Variants in RAP1GAP2 observed in about 807,000 individuals in gnomAD.
RAP1GAP2 encodes RAP1 GTPase activating protein 2, also known as rap1 GTPase-activating protein 2.
RAP1GAP2 carries 27 observed loss-of-function variants against 95.0 expected under a neutral mutation model. The ratio of observed to expected loss-of-function variants is 0.28; its 90% CI spans 0.21 to 0.39. RAP1GAP2 has a LOEUF of 0.39. RAP1GAP2 is among the 10% of genes least tolerant of loss of function. The probability of loss-of-function intolerance (pLI) is 1.00; values close to 1 mark genes in which losing one functional copy is unlikely to be tolerated. For missense variants in RAP1GAP2, 771 were observed against 970.0 expected, an observed-to-expected ratio of 0.79 and a Z score of 2.72; for synonymous variants, 373 against 380.9, an observed-to-expected ratio of 0.98 and a Z score of 0.24.
intron 1 of RAP1GAP2, among the ~76,000 whole-genome samples, chr17:2,781,596 CTGTG>C (rs1295609518): frequency 5.4e-5 from 8 of 146,856 alleles, no homozygotes; most frequent in African/African-American, 2.0e-4. Flanking sequence ...GGGCACGTCT[CTGTG>C]TGTGCAGGTC....
chr17:2,979,215 C>A (rs1265313746), intron 8 of RAP1GAP2, among the ~76,000 whole-genome samples: 5 of 152,088 alleles, frequency 3.3e-5, no homozygotes, highest in Non-Finnish European at 2.9e-5. Context: ...TAAATTTAGA[C>A]CCTCATGGTG....
At chr17:2,889,889 ATT>A (rs3039128) in intron 2 of RAP1GAP2, among the ~76,000 whole-genome samples, 57 of 57,304 alleles carry the variant, frequency 9.9e-4, no homozygotes, top group Admixed American at 4.2e-3. Context: ...ATATATATAT[ATT>A]TTTTTTTTTT....
chr17:2,955,621 T>C (rs2044079579), intron 3 of RAP1GAP2, among the ~76,000 whole-genome samples: 1 of 152,254 alleles, frequency 6.6e-6, no homozygotes, highest in Admixed American at 6.5e-5. Flanking sequence ...AACTTTTCTT[T>C]AAACGTTTGG....
chr17:2,810,853 G>C (rs1181834503), intron 2 of RAP1GAP2, among the ~76,000 whole-genome samples: 7 of 151,818 alleles, frequency 4.6e-5, no homozygotes. Context: ...TAGTCTTTAT[G>C]CAAATCTCCT....
chr17:2,814,763 C>G (rs565322805), intron 2 of RAP1GAP2, among the ~76,000 whole-genome samples: 99 of 152,250 alleles, frequency 6.5e-4, no homozygotes, highest in African/African-American at 2.2e-3. Flanking sequence ...CCAGCTCATT[C>G]TGAGAGGGTG....
At chr17:2,818,568 T>C (rs2070143169) in intron 2 of RAP1GAP2, among the ~76,000 whole-genome samples, 1 of 152,170 alleles carries the variant, frequency 6.6e-6, no homozygotes, top group African/African-American at 2.4e-5. Flanking sequence ...CCTCAAGTGA[T>C]CCACCTGCCT....
chr17:2,847,693 G>T (rs894293555), intron 2 of RAP1GAP2, among the ~76,000 whole-genome samples: 3 of 63,892 alleles, frequency 4.7e-5, no homozygotes. Flanking sequence ...TCTGGAAGAG[G>T]TGGAAGTGGC....
chr17:2,762,350 G>C (rs1312360745), intron 1 of RAP1GAP2, among the ~76,000 whole-genome samples: 1 of 146,458 alleles, frequency 6.8e-6, no homozygotes, highest in East Asian at 2.0e-4. Context: ...TTTAAATTGT[G>C]TTAGTTGTCT....
At chr17:2,776,593 C>G (rs1003640511), upstream of RAP1GAP2, among the ~76,000 whole-genome samples, 1 of 151,906 alleles carries the variant, frequency 6.6e-6, no homozygotes, top group African/African-American at 2.4e-5. Context: ...CCGCAGGCAG[C>G]GGCACAGGGA....
intron 2 of RAP1GAP2, among the ~76,000 whole-genome samples, chr17:2,896,908 G>C (rs1335678126): frequency 6.6e-6 from 1 of 152,344 alleles, no homozygotes; most frequent in African/African-American, 2.4e-5. Context: ...GTAGCCTGCA[G>C]CAGAGACTCC....
chr17:2,912,705 G>T (rs1309243388), intron 3 of RAP1GAP2, among the ~76,000 whole-genome samples: 1 of 152,166 alleles, frequency 6.6e-6, no homozygotes, highest in Non-Finnish European at 1.5e-5. Context: ...CATCGATTGT[G>T]TTTCTGTTGC....
intron 2 of RAP1GAP2, among the ~76,000 whole-genome samples, chr17:2,894,510 C>T (rs1241370409): frequency 3.3e-5 from 5 of 152,136 alleles, no homozygotes; most frequent in African/African-American, 1.2e-4. Flanking sequence ...GTGGCCTCAG[C>T]TTCCACCTCT....
At chr17:3,030,196 A>ACT (rs1567918512) in intron 22 of RAP1GAP2, among the ~76,000 whole-genome samples, 1 of 149,822 alleles carries the variant, frequency 6.7e-6, no homozygotes, top group African/African-American at 2.5e-5. Flanking sequence ...ACACACACAC[A>ACT]CTCACTCTCA....
Position 2,797,792 on chromosome 17 carries a change from A to G in RAP1GAP2, c.44+1221A>G. On this transcript the variant is annotated intron_variant, in intron 1 of 24. Transcript: ENST00000254695. This position sits in a 1 kb window ranked among gnomAD's most constrained non-coding sequence, Gnocchi z 5.6. The stretch of plus-strand genomic sequence containing the variant: ...AGCTGCCACCCCGAGGGTAGGTGCC[A>G]GTGTCCGGGAGGCAGCAGAGGACTT... 1 of 985,238 alleles carries G rather than the reference A, an allele frequency of 1.0e-6. No individual in the cohort carries two copies. The highest frequency in any genetic ancestry group is 1.2e-6 in the Non-Finnish European group (1 of 829,854). The allele number at this position is 985,238 out of a possible 1,614,324, so 61.0% of individuals were successfully genotyped here.
chr17:3,013,771 G>C (rs1006554807), intron 17 of RAP1GAP2, among the ~76,000 whole-genome samples: 1 of 151,442 alleles, frequency 6.6e-6, no homozygotes, highest in Non-Finnish European at 1.5e-5. Context: ...TGGAGCCCAG[G>C]GTTCTGGGTT....
chr17:2,995,400 C>T lies in RAP1GAP2; in HGVS notation c.978C>T (p.Phe326=). 1 of 1,613,980 alleles carries T rather than the reference C, an allele frequency of 6.2e-7. No homozygotes were observed. Among genetic ancestry groups the T allele is most frequent in the Non-Finnish European group, 8.5e-7 (1 of 1,179,858 alleles). The change falls in exon 13 of 25, where the codon TTC becomes TTT. Residue 326 remains phenylalanine (F), a synonymous_variant. Coordinates refer to ENST00000254695, the MANE Select transcript of RAP1GAP2 (RefSeq NM_015085.5). The part of the protein sequence containing the change: ...QTGVESVYTT[F]RDREIMFHVS... ...GGGTGGAATCAGTGTACACAACATT[C>T]CGGGACAGGGAGATCATGTTTCACG...
chr17:2,893,214 T>TATTTTTA (rs2073777396), intron 2 of RAP1GAP2, among the ~76,000 whole-genome samples: 1 of 151,984 alleles, frequency 6.6e-6, no homozygotes, highest in African/African-American at 2.4e-5. Context: ...TTTTATTTTT[T>TATTTTTA]ATTTTTAGTA....
Position 2,965,689 on chromosome 17 carries a change from C to T in RAP1GAP2, c.596+46C>T. ...GAGGCCACTTCTCTTCCAGGCAGGG[C>T]TCTCATCGGTGGTGTGGGGGCTGGG... On this transcript the variant is annotated intron_variant, in intron 8 of 24. Coordinates refer to ENST00000254695, the MANE Select transcript of RAP1GAP2 (RefSeq NM_015085.5). The surrounding 1 kb of genome is among the most constrained non-coding windows in gnomAD (Gnocchi z 4.7). 7.2e-7 allele frequency: 1 copy of T among 1,397,456 alleles called. No homozygotes were observed. The highest frequency in any genetic ancestry group is 1.0e-6 in the Non-Finnish European group (1 of 1,002,462). The allele number at this position is 1,397,456 out of a possible 1,614,324, so 86.6% of individuals were successfully genotyped here.
At chr17:2,829,503 C>T (rs1431409663) in intron 2 of RAP1GAP2, among the ~76,000 whole-genome samples, 1 of 152,160 alleles carries the variant, frequency 6.6e-6, no homozygotes, top group East Asian at 1.9e-4. Context: ...CCCTGCTCAC[C>T]TCCAGCCCCT....
Sources: allele counts gnomAD v4.1 joint callset (sites outside exome capture counted in the v4.1 genomes callset), GRCh38; gene constraint gnomAD v4.1.1; non-coding constraint Gnocchi (gnomAD v3.1); transcripts MANE v1.5; gene names NCBI Gene and HGNC (gene_info 2026-07-23, HGNC 2026-07-21).